Variants in PCCB observed in about 807,000 individuals in gnomAD.
The protein encoded by PCCB is propionyl-CoA carboxylase subunit beta.
PCCB carries 43 observed loss-of-function variants against 60.7 expected under a neutral mutation model. That is an observed-to-expected ratio of 0.71 (90% CI 0.55 to 0.91). The LOEUF (loss-of-function observed/expected upper bound fraction) is 0.91. Ranked by LOEUF, PCCB falls within the 40% of genes least tolerant of loss-of-function variation. PCCB has a pLI of 0.00. For missense variants in PCCB, 766 were observed against 702.8 expected (o/e 1.09, Z -1.02); for synonymous variants, 276 against 255.9 (o/e 1.08, Z -0.75).
chr3:136,289,987 C>T (rs1576331683), intron 6 of PCCB, among the ~76,000 whole-genome samples: 1 of 152,136 alleles, frequency 6.6e-6, no homozygotes, highest in East Asian at 1.9e-4. Flanking sequence ...TTGGTCTTAG[C>T]CAAAAGGCTG....
intron 5 of PCCB, among the ~76,000 whole-genome samples, chr3:136,267,066 G>T (rs1470217842): frequency 1.3e-5 from 2 of 152,130 alleles, no homozygotes; most frequent in Non-Finnish European, 2.9e-5. Context: ...TGTATTTTTA[G>T]TAGAGATAGG....
intron 7 of PCCB, among the ~76,000 whole-genome samples, chr3:136,296,242 C>T (rs184760030): frequency 4.6e-5 from 7 of 152,268 alleles, no homozygotes; most frequent in Admixed American, 4.6e-4. Context: ...ACCCTGTGCC[C>T]ATTAGCAGTC....
At chr3:136,285,311 C>G (rs780662932) in intron 6 of PCCB, among the ~76,000 whole-genome samples, 2 of 152,130 alleles carry the variant, frequency 1.3e-5, no homozygotes, top group Admixed American at 1.3e-4. Flanking sequence ...CTGAATATAA[C>G]TCTCCACCCT....
intron 13 of PCCB, among the ~76,000 whole-genome samples, chr3:136,328,461 T>C (rs1560034817): frequency 6.6e-6 from 1 of 152,194 alleles, no homozygotes; most frequent in Admixed American, 6.5e-5. Context: ...CAAAGAAATA[T>C]GATGAGTGCA....
At chr3:136,272,339 C>T (rs961050046) in intron 5 of PCCB, among the ~76,000 whole-genome samples, 1 of 151,750 alleles carries the variant, frequency 6.6e-6, no homozygotes, top group East Asian at 1.9e-4. Flanking sequence ...AATGTCATTT[C>T]CTGGCTTTGG....
chr3:136,252,750 A>G (rs1237916812), intron 1 of PCCB, among the ~76,000 whole-genome samples: 2 of 140,100 alleles, frequency 1.4e-5, no homozygotes, highest in African/African-American at 5.4e-5. Context: ...CAGTCCTCCC[A>G]CCTTGGCCTT....
chr3:136,294,388 T>G (rs1933841246), intron 7 of PCCB, among the ~76,000 whole-genome samples: 1 of 150,208 alleles, frequency 6.7e-6, no homozygotes, highest in Admixed American at 6.6e-5. Context: ...CTTAGCTTAT[T>G]GCAACCTCCG....
At chr3:136,297,923 T>G (rs1437097696) in intron 7 of PCCB, 29 bp from the exon 8 acceptor site, 1 of 1,613,914 alleles carries the variant, frequency 6.2e-7, no homozygotes, top group Non-Finnish European at 8.5e-7. Context: ...GTACCCTGAC[T>G]CAATCATATA....
At chr3:136,303,569 T>C (rs1934360727) in intron 9 of PCCB, among the ~76,000 whole-genome samples, 1 of 122,294 alleles carries the variant, frequency 8.2e-6, no homozygotes, top group African/African-American at 2.5e-5. Context: ...GGTTTTGGTA[T>C]CGATGTTGTA....
chr3:136,304,574 A>G (rs1334881725), intron 9 of PCCB, among the ~76,000 whole-genome samples: 10 of 118,186 alleles, frequency 8.5e-5, no homozygotes, highest in African/African-American at 1.8e-4. Context: ...TTTAGTAGAG[A>G]CGGGGTTTCA....
At chr3:136,292,765 A>G (rs1436182446) in intron 6 of PCCB, among the ~76,000 whole-genome samples, 1 of 152,186 alleles carries the variant, frequency 6.6e-6, no homozygotes, top group African/African-American at 2.4e-5. Flanking sequence ...ATAAGAGGGC[A>G]AAGAGGGCAA....
At chr3:136,326,256 T>G in intron 10 of PCCB, 1 of 688,940 alleles carries the variant, frequency 1.5e-6, no homozygotes, top group Non-Finnish European at 2.6e-6. Flanking sequence ...TCTCATAGAA[T>G]TAAGTTGGAA....
At chr3:136,323,637 G>C (rs560076446) in intron 10 of PCCB, among the ~76,000 whole-genome samples, 1 of 151,944 alleles carries the variant, frequency 6.6e-6, no homozygotes, top group Non-Finnish European at 1.5e-5. Flanking sequence ...TACAAAAAAT[G>C]AGCCGGACGT....
chr3:136,329,059 C>A (rs773639769), intron 14 of PCCB, among the ~76,000 whole-genome samples: 1 of 152,234 alleles, frequency 6.6e-6, no homozygotes, highest in Non-Finnish European at 1.5e-5. Flanking sequence ...ATTAAAACAA[C>A]ATTGCCAAAG....
At chr3:136,251,899 C>T (rs1242548254) in intron 1 of PCCB, among the ~76,000 whole-genome samples, 1 of 151,454 alleles carries the variant, frequency 6.6e-6, no homozygotes, top group Non-Finnish European at 1.5e-5. Flanking sequence ...TGTTTTGATA[C>T]GGAGTTTTGC....
chr3:136,293,559 A>C (rs1933796327), intron 6 of PCCB, among the ~76,000 whole-genome samples, 197 bp from the exon 7 acceptor site: 1 of 152,242 alleles, frequency 6.6e-6, no homozygotes, highest in Admixed American at 6.5e-5. Flanking sequence ...ACTGTGCAAC[A>C]GAAATTTTTT....
chr3:136,315,386 C>A (rs764561512), intron 9 of PCCB, among the ~76,000 whole-genome samples: 2 of 152,100 alleles, frequency 1.3e-5, no homozygotes, highest in Non-Finnish European at 2.9e-5. Context: ...AAAAAATTAG[C>A]TGGGCATGGT....
intron 9 of PCCB, among the ~76,000 whole-genome samples, chr3:136,301,891 A>G (rs145694290): frequency 7.3e-4 from 111 of 152,148 alleles, no homozygotes; most frequent in African/African-American, 2.5e-3. Context: ...ATCACTTTCT[A>G]ATTTTCCCTG....
At chr3:136,256,416 G>T (rs1172359103) in intron 2 of PCCB, 139 bp from the exon 3 acceptor site, 8 of 704,854 alleles carry the variant, frequency 1.1e-5, no homozygotes, top group Non-Finnish European at 2.1e-5. Context: ...AGTGGGGTGG[G>T]ATTCCTTCAT....
Sources: allele counts gnomAD v4.1 joint callset (sites outside exome capture counted in the v4.1 genomes callset), GRCh38; gene constraint gnomAD v4.1.1; transcripts MANE v1.5; gene names NCBI Gene and HGNC (gene_info 2026-07-23, HGNC 2026-07-21).